Variants in TP63 observed in about 807,000 individuals in gnomAD.
TP63 encodes tumor protein p63, also known as tumor protein 63.
TP63 carries 17 observed loss-of-function variants against 82.8 expected under a neutral mutation model. That is an observed-to-expected ratio of 0.21 (90% confidence interval 0.14 to 0.31). The LOEUF (loss-of-function observed/expected upper bound fraction) is 0.31, where lower values mean the gene tolerates loss of function less well. Ranked by LOEUF, TP63 falls within the 10% of genes least tolerant of loss-of-function variation. TP63 has a pLI of 1.00. For missense variants in TP63, 648 were observed against 895.3 expected, an observed-to-expected ratio of 0.72 and a Z score of 3.52; for synonymous variants, 330 against 321.7, an observed-to-expected ratio of 1.03 and a Z score of -0.28.
chr3:189,638,708 C>T (rs1711547902), intron 1 of TP63, among the ~76,000 whole-genome samples: 2 of 152,048 alleles, frequency 1.3e-5, no homozygotes, highest in African/African-American at 4.8e-5. Context: ...GTTATCAGAC[C>T]ACACTTGGAG....
chr3:189,628,350 T>G (rs1355904085), upstream of TP63, among the ~76,000 whole-genome samples: 2 of 152,052 alleles, frequency 1.3e-5, no homozygotes, highest in Non-Finnish European at 2.9e-5. Flanking sequence ...TAGAGGAAAG[T>G]GCATGAAGGG....
At chr3:189,611,258 A>G in the TP63 span, among the ~76,000 whole-genome samples, 1 of 152,070 alleles carries the variant, frequency 6.6e-6, no homozygotes, top group Admixed American at 6.6e-5. Context: ...GTTGTCTTCC[A>G]GGGTTTTTAT....
intron 3 of TP63, among the ~76,000 whole-genome samples, chr3:189,748,967 A>G (rs192021105): frequency 7.9e-4 from 120 of 152,286 alleles, no homozygotes; most frequent in Non-Finnish European, 1.5e-3. Context: ...TACTGGGAAA[A>G]TTGGATATTC....
At chr3:189,703,717 T>C (rs562162151) in intron 1 of TP63, among the ~76,000 whole-genome samples, 2 of 152,358 alleles carry the variant, frequency 1.3e-5, no homozygotes, top group Admixed American at 1.3e-4. Flanking sequence ...GCATTGTCAA[T>C]ATTCTATAGG....
At chr3:189,719,890 T>A (rs575680741) in intron 1 of TP63, among the ~76,000 whole-genome samples, 8 of 152,358 alleles carry the variant, frequency 5.3e-5, no homozygotes, top group African/African-American at 1.9e-4. Flanking sequence ...AGTACTGCAT[T>A]TGAGAAGCAT....
chr3:189,830,610 A>G (rs1712176527), intron 4 of TP63, among the ~76,000 whole-genome samples: 1 of 152,118 alleles, frequency 6.6e-6, no homozygotes, highest in Non-Finnish European at 1.5e-5. Context: ...CATAACACGC[A>G]ATTTTGTTGC....
chr3:189,839,040 T>TAAAAAAAAAAAA (rs5855274), intron 4 of TP63, among the ~76,000 whole-genome samples: 355 of 88,156 alleles, frequency 4.0e-3, no homozygotes, highest in Middle Eastern at 6.8e-3. Context: ...TATCCTAAGC[T>TAAAAAAAAAAAA]AAAAAAAAAA....
At chr3:189,704,876 C>T (rs779786355) in intron 1 of TP63, among the ~76,000 whole-genome samples, 1 of 152,116 alleles carries the variant, frequency 6.6e-6, no homozygotes, top group Non-Finnish European at 1.5e-5. Flanking sequence ...ATCTCTCATC[C>T]ATGAAAATTT....
rs111456324 is a variant in TP63 at position 189,681,336 on chromosome 3, C to T, written c.62+49759C>T. Among the ~76,000 whole-genome samples, 1,440 of 152,270 alleles carry T rather than the reference C, an allele frequency of 9.5e-3. 25 individuals are homozygous for T. The highest frequency in any genetic ancestry group is 0.032 in the African/African-American group (1,344 of 41,548). On this transcript the variant is annotated intron_variant, in intron 1 of 13. Transcript: ENST00000264731. ...TGGAACCTCCTATTTCACTATTTTG[C>T]TGATGTCACTTCCATTAGCATACAT...
chr3:189,881,155 T>C, intron 10 of TP63: 5 of 984,764 alleles, frequency 5.1e-6, no homozygotes, highest in Non-Finnish European at 6.0e-6. Context: ...TTACTGATAC[T>C]GTTCAGTGCA....
At chr3:189,764,613 C>G (rs960371659) in intron 3 of TP63, among the ~76,000 whole-genome samples, 1 of 152,150 alleles carries the variant, frequency 6.6e-6, no homozygotes, top group Non-Finnish European at 1.5e-5. Flanking sequence ...ATTCTAGTCT[C>G]TTTTGTCTAC....
chr3:189,789,539 C>T (rs1211812185), intron 3 of TP63: 2 of 502,038 alleles, frequency 4.0e-6, no homozygotes, highest in Non-Finnish European at 6.0e-6. Context: ...ATGGGAGAGG[C>T]CTCACTCCAT....
In TP63 at chr3:189,702,220, A is replaced by G. The variant is rs1375455678; in HGVS notation, c.63-35520A>G. Among the ~76,000 whole-genome samples the G allele has an allele frequency of 4.6e-5, 7 of 152,306 alleles. No individual in the cohort carries two copies. The South Asian group carries it at 1.5e-3, about 32-fold the overall frequency. Reference sequence around the variant, plus strand: ...TTTTAGTAGCTTCCCTGAGGGAATTAAAGGTTTTAACTGAATGTGAAACAT... The same window carrying G: ...TTTTAGTAGCTTCCCTGAGGGAATTGAAGGTTTTAACTGAATGTGAAACAT... On this transcript the variant is annotated intron_variant, in intron 1 of 13. Coordinates refer to ENST00000264731, the MANE Select transcript of TP63 (RefSeq NM_003722.5).
chr3:189,686,304 T>C (rs1252262376), intron 1 of TP63, among the ~76,000 whole-genome samples: 1 of 152,164 alleles, frequency 6.6e-6, no homozygotes, highest in Non-Finnish European at 1.5e-5. Context: ...TTCTCCTCCT[T>C]CATACTGAAG....
At chr3:189,729,422 G>T (rs976565147) in intron 1 of TP63, among the ~76,000 whole-genome samples, 6 of 152,142 alleles carry the variant, frequency 3.9e-5, no homozygotes, top group African/African-American at 1.2e-4. Context: ...GACAGGTCAT[G>T]GTCAGTCAGG....
At chr3:189,679,404 A>G (rs924029634) in intron 1 of TP63, among the ~76,000 whole-genome samples, 1 of 151,930 alleles carries the variant, frequency 6.6e-6, no homozygotes, top group Admixed American at 6.6e-5. Flanking sequence ...TTTTTTTCAT[A>G]TACCTAGTCA....
chr3:189,793,099 C>G (rs879676344), intron 3 of TP63, among the ~76,000 whole-genome samples: 4 of 152,020 alleles, frequency 2.6e-5, no homozygotes, highest in Non-Finnish European at 5.9e-5. Flanking sequence ...ATTCCTCACT[C>G]CATGCTGTTG....
intron 4 of TP63, among the ~76,000 whole-genome samples, chr3:189,838,539 T>C (rs1213587415): frequency 2.6e-5 from 4 of 152,118 alleles, no homozygotes; most frequent in Non-Finnish European, 5.9e-5. Context: ...TTAAGAGATG[T>C]TGCAAGTAGA....
chr3:189,808,565 T>C lies in TP63; in HGVS notation c.579+39T>C, dbSNP rs34429985. ...GCACGCACATACCTGACCCCCCAAG[T>C]CCAAGGATGGGCTTCACCACGTCCC... is the stretch of plus-strand genomic sequence containing the variant. On this transcript the variant is annotated intron_variant, in intron 4 of 13. Coordinates refer to ENST00000264731, the MANE Select transcript of TP63 (RefSeq NM_003722.5). 1.1e-5 allele frequency: 17 copies of C among 1,610,396 alleles called. No individual in the cohort carries two copies. In the South Asian group the frequency reaches 1.8e-4, roughly 17 times the overall value.
Sources: allele counts gnomAD v4.1 joint callset (sites outside exome capture counted in the v4.1 genomes callset), GRCh38; gene constraint gnomAD v4.1.1; transcripts MANE v1.5; gene names NCBI Gene and HGNC (gene_info 2026-07-23, HGNC 2026-07-21).